The following RSPH3 variants were observed in gnomAD, a reference collection of about 807,000 sequenced individuals.
RSPH3 encodes the protein radial spoke head 3.
Under a neutral mutation model 43.8 loss-of-function variants are expected in RSPH3, and 21 were observed. The observed-to-expected ratio is 0.48, with a 90% CI of 0.34 to 0.69. The LOEUF is 0.69. RSPH3 is among the 30% of genes least tolerant of loss of function. The pLI is 0.01. For missense variants in RSPH3, 487 were observed against 516.0 expected (o/e 0.94, Z 0.54); for synonymous variants, 173 against 179.8 (o/e 0.96, Z 0.30).
chr6:158,998,611 T>A (rs1156943985), intron 1 of RSPH3, among the ~76,000 whole-genome samples: 1 of 151,544 alleles, frequency 6.6e-6, no homozygotes, highest in Non-Finnish European at 1.5e-5. Context: ...ATCCCAGCAC[T>A]TTGGGAGGCC....
rs1562558148 is a variant in RSPH3 at position 158,978,274 on chromosome 6, C to T, written c.932G>A (p.Arg311Lys). 1.3e-6 allele frequency: 2 copies of T among 1,570,906 alleles called. No individual in the cohort carries two copies. The highest frequency in any genetic ancestry group is 1.8e-6 in the Non-Finnish European group (2 of 1,142,590). The change falls in exon 7 of 8, where the codon AGA becomes AAA. Residue 311 changes from arginine to lysine, a missense_variant. Coordinates refer to ENST00000367069, the MANE Select transcript of RSPH3 (RefSeq NM_031924.8). ...EKTMEYSMVGRTVLDMLIREV... is the reference protein window; with the variant it reads ...EKTMEYSMVGKTVLDMLIREV... ...AAATAACTTACTGTCAAGCACTGTT[C>T]TTCCCACCATGCTATATTCCATGGT... is the stretch of plus-strand genomic sequence containing the variant.
chr6:158,982,629 A>C lies in RSPH3; in HGVS notation c.552T>G (p.Ile184Met), dbSNP rs141317681. 10 of 1,613,906 alleles carry C rather than the reference A, an allele frequency of 6.2e-6. No individual in the cohort carries two copies. In the African/African-American group the frequency reaches 1.2e-4, roughly 19 times the overall value. ...PVLEVLVGKTIEQSLLEVMEE... is the reference protein window; with the variant it reads ...PVLEVLVGKTMEQSLLEVMEE... ...CCATTACTTCCAGAAGAGACTGCTC[A>C]ATTGTCTTCCCCACCAAAACTTCTA... The change falls in exon 5 of 8, where the codon ATT (isoleucine) becomes ATG (methionine). Residue 184 changes from isoleucine to methionine, a missense_variant. Coordinates refer to ENST00000367069, the MANE Select transcript of RSPH3 (RefSeq NM_031924.8).
At chr6:158,963,960 A>C in the RSPH3 span, among the ~76,000 whole-genome samples, 562 of 152,330 alleles carry the variant, frequency 3.7e-3, 30 homozygotes, top group East Asian at 0.091. Flanking sequence ...AGATCCCAAA[A>C]GTGATATACT....
intron 2 of RSPH3, among the ~76,000 whole-genome samples, chr6:158,993,367 T>C (rs1210363036): frequency 6.6e-6 from 1 of 151,696 alleles, no homozygotes; most frequent in African/African-American, 2.4e-5. Context: ...CTGCCCGCCT[T>C]GGCCTCCCAA....
intron 2 of RSPH3, among the ~76,000 whole-genome samples, chr6:158,992,193 A>T (rs1361011310): frequency 2.0e-5 from 3 of 151,520 alleles, no homozygotes; most frequent in Non-Finnish European, 4.4e-5. Context: ...ACTTCTTTTT[A>T]ATCACGTATT....
Position 158,999,811 on chromosome 6 carries a change from GGGGC to G in RSPH3, c.-265_-262del. 1.2e-6 allele frequency: 2 copies of G among 1,613,718 alleles called. No homozygotes were observed. The highest frequency in any genetic ancestry group is 1.7e-6 in the Non-Finnish European group (2 of 1,179,796). On this transcript the variant is annotated 5_prime_UTR_variant, in exon 1 of 8. The change creates a premature stop within an existing upstream ORF in the 5' untranslated region. Transcript: ENST00000367069. ...GCCCAGCAACCCAGGGTTCTGTCTG[GGGGC>G]GGGAACTCCGGGCAGTTCCGGTCCC... is the stretch of plus-strand genomic sequence containing the variant.
In RSPH3 at chr6:158,999,989, C is replaced by T. The variant is rs750031667; in HGVS notation, c.-439G>A. 1.9e-5 allele frequency: 29 copies of T among 1,563,082 alleles called. No individual in the cohort carries two copies. The highest frequency in any genetic ancestry group is 2.3e-5 in the Non-Finnish European group (27 of 1,153,618). ...GCTTGACCGTCATCCTTGAGGCCTG[C>T]GGGGCAACGGTGGCTGTCCTTGGCC... On this transcript the variant is annotated 5_prime_UTR_variant, in exon 1 of 8. Transcript: ENST00000367069.
chr6:158,983,823 T>C lies in RSPH3; in HGVS notation c.347-16A>G, dbSNP rs371616291. The C allele has an allele frequency of 4.8e-5, 75 of 1,568,118 alleles. No homozygotes were observed. In the African/African-American group the frequency reaches 8.4e-4, roughly 18 times the overall value. ...AGGTATAATTCTAAGAAGAATATCA[T>C]ATATATCGAGTTTAAAATTCTGGTC... is the stretch of plus-strand genomic sequence containing the variant. On this transcript the variant is annotated splice_polypyrimidine_tract_variant and intron_variant, in intron 3 of 7. Coordinates refer to ENST00000367069, the MANE Select transcript of RSPH3 (RefSeq NM_031924.8).
At position 158,999,893 on chromosome 6, in the gene RSPH3, C is replaced by T. The variant is rs557335543; in HGVS notation, c.-343G>A. ...AAGGGACTTCCGGCTCTTGACTCCGCCCAGCCGCGCCACCCAGGTAGGTGC... is the reference window on the plus strand; with the variant it reads ...AAGGGACTTCCGGCTCTTGACTCCGTCCAGCCGCGCCACCCAGGTAGGTGC... On this transcript the variant is annotated 5_prime_UTR_variant, in exon 1 of 8. Coordinates refer to ENST00000367069, the MANE Select transcript of RSPH3 (RefSeq NM_031924.8). 9.9e-6 allele frequency: 16 copies of T among 1,613,286 alleles called. No individual in the cohort carries two copies. The East Asian group carries it at 2.9e-4, about 29-fold the overall frequency.
chr6:158,986,486 A>G, intron 2 of RSPH3, 65 bp from the exon 3 acceptor site: 1 of 1,362,588 alleles, frequency 7.3e-7, no homozygotes, highest in Non-Finnish European at 1.0e-6. Flanking sequence ...AGGAACTGCC[A>G]TTCCAAAAGC....
In RSPH3 at chr6:158,977,774, G is replaced by T. The variant is rs1466955882; in HGVS notation, c.1021C>A (p.Pro341Thr). ...HGEDTHQSPE[P>T]EDEPGGPGAM... ...CCAGGACCACCAGGCTCATCCTCGG[G>T]TTCTGGAGACTGATGTGTGTCTTCC... Residue 341 changes from proline (P) to threonine (T), a missense_variant, in exon 8 of 8, where the codon CCC becomes ACC. Coordinates refer to ENST00000367069, the MANE Select transcript of RSPH3 (RefSeq NM_031924.8). 6.2e-7 allele frequency: 1 copy of T among 1,614,154 alleles called. No homozygotes were observed.
At chr6:158,972,375 A>T (rs1777703101), downstream of RSPH3, among the ~76,000 whole-genome samples, 1 of 152,162 alleles carries the variant, frequency 6.6e-6, no homozygotes, top group Admixed American at 6.5e-5. Flanking sequence ...ACTAAAGTCC[A>T]CTCTAAAATG....
At chr6:158,963,528 T>C in the RSPH3 span, among the ~76,000 whole-genome samples, 844 of 119,500 alleles carry the variant, frequency 7.1e-3, 9 homozygotes, top group South Asian at 0.021. Flanking sequence ...TTTCTTTCTT[T>C]CTCCTTCCCT....
chr6:158,969,817 AT>A (rs1777674351), downstream of RSPH3, among the ~76,000 whole-genome samples: 1 of 152,228 alleles, frequency 6.6e-6, no homozygotes, highest in East Asian at 1.9e-4. Flanking sequence ...CATTTCAATT[AT>A]TGCACTTTTC....
In RSPH3 at chr6:158,989,322, C is replaced by T. The variant is rs906751238; in HGVS notation, c.205-2901G>A. On this transcript the variant is annotated intron_variant, in intron 2 of 7. Transcript: ENST00000367069. This position sits in a 1 kb window ranked among gnomAD's most constrained non-coding sequence, Gnocchi z 4.3. ...TTGGCCTCCCAAAGTGCTGGGATTACAGGCATGAGACACTGCGCCCCGACA... is the reference window on the plus strand; with the variant it reads ...TTGGCCTCCCAAAGTGCTGGGATTATAGGCATGAGACACTGCGCCCCGACA... Among the ~76,000 whole-genome samples, 4 of 152,286 alleles carry T rather than the reference C, an allele frequency of 2.6e-5. No individual in the cohort carries two copies. Among genetic ancestry groups the T allele is most frequent in the Non-Finnish European group, 4.4e-5 (3 of 68,014 alleles).
intron 4 of RSPH3, among the ~76,000 whole-genome samples, chr6:158,983,456 T>G (rs1363856105): frequency 6.6e-6 from 1 of 152,240 alleles, no homozygotes; most frequent in East Asian, 1.9e-4. Flanking sequence ...ATGATTTTGT[T>G]TTTAATCAGC....
At chr6:158,966,398 A>G in the RSPH3 span, among the ~76,000 whole-genome samples, 1 of 152,106 alleles carries the variant, frequency 6.6e-6, no homozygotes, top group East Asian at 1.9e-4. Flanking sequence ...TGAAAGTTTG[A>G]CCTTAATTTT....
the RSPH3 span, among the ~76,000 whole-genome samples, chr6:158,963,437 C>A: frequency 1.1e-5 from 1 of 94,350 alleles, no homozygotes; most frequent in Non-Finnish European, 2.1e-5. Context: ...TTCCCTCCCC[C>A]TTCTTCCCCC....
chr6:158,984,434 T>TTATATATATATATATATATATA (rs55999313), intron 3 of RSPH3, among the ~76,000 whole-genome samples: 6 of 63,648 alleles, frequency 9.4e-5, no homozygotes, highest in Non-Finnish European at 1.6e-4. Context: ...AAAAAGTCAA[T>TTATATATATATATATATATATA]TATATATATA....
Sources: gnomAD v4.1 joint callset for allele counts (sites outside exome capture counted in the v4.1 genomes callset) on GRCh38, gnomAD v4.1.1 for gene constraint, Gnocchi (gnomAD v3.1) non-coding constraint, MANE v1.5 for transcripts, NCBI Gene and HGNC (gene_info 2026-07-23, HGNC 2026-07-21) for gene names.